The following NBAS variants were observed in gnomAD, a reference collection of about 807,000 sequenced individuals.
The protein encoded by NBAS is NAG/BC035112 fusion.
In NBAS, 219 loss-of-function variants were observed where a neutral mutation model predicts 302.5. The ratio of observed to expected loss-of-function variants is 0.72; its 90% CI spans 0.65 to 0.81. The LOEUF (loss-of-function observed/expected upper bound fraction) is 0.81. NBAS is among the 30% of genes least tolerant of loss of function. The pLI, the probability that NBAS is intolerant of heterozygous loss-of-function variation, is 0.00. For synonymous variants in NBAS, 1,118 were observed against 1,021.6 expected, an observed-to-expected ratio of 1.09 and a Z score of -1.80; for missense variants, 2,932 against 2,841.6, an observed-to-expected ratio of 1.03 and a Z score of -0.72.
chr2:15,088,065 A>G, the NBAS span, among the ~76,000 whole-genome samples: 1 of 152,344 alleles, frequency 6.6e-6, no homozygotes, highest in Non-Finnish European at 1.5e-5. Flanking sequence ...GAGCTGCACC[A>G]CATAAATGGG....
chr2:14,821,891 G>C, the NBAS span, among the ~76,000 whole-genome samples: 1 of 151,848 alleles, frequency 6.6e-6, no homozygotes, highest in African/African-American at 2.4e-5. Flanking sequence ...AAATTAGCCA[G>C]GCACAGTGAC....
the NBAS span, among the ~76,000 whole-genome samples, chr2:14,978,073 C>T: frequency 3.9e-5 from 6 of 152,148 alleles, no homozygotes; most frequent in African/African-American, 1.4e-4. Flanking sequence ...CCCCAAATGT[C>T]CATATCCTGT....
At chr2:15,199,433 T>A (rs1665776459) in intron 48 of NBAS, among the ~76,000 whole-genome samples, 1 of 152,148 alleles carries the variant, frequency 6.6e-6, no homozygotes, top group South Asian at 2.1e-4. Flanking sequence ...ATAGTACCTA[T>A]AAAATACATA....
the NBAS span, among the ~76,000 whole-genome samples, chr2:15,126,547 G>C: frequency 6.6e-6 from 1 of 152,148 alleles, no homozygotes; most frequent in African/African-American, 2.4e-5. Context: ...ACACAGATCA[G>C]AGGTACCTCA....
At chr2:15,425,178 A>C (rs1677409791) in intron 22 of NBAS, among the ~76,000 whole-genome samples, 1 of 152,186 alleles carries the variant, frequency 6.6e-6, no homozygotes, top group African/African-American at 2.4e-5. Flanking sequence ...AAAAATACAA[A>C]GTAACAAGTA....
chr2:14,888,540 T>C, the NBAS span, among the ~76,000 whole-genome samples: 6 of 152,132 alleles, frequency 3.9e-5, no homozygotes. Context: ...CTATTGACCA[T>C]TCTCCCCTTC....
the NBAS span, among the ~76,000 whole-genome samples, chr2:15,045,768 AT>A: frequency 4.1e-3 from 629 of 152,308 alleles, 5 homozygotes; most frequent in Middle Eastern, 0.014. Context: ...TCTACGCCAA[AT>A]TTTTTGAGGA....
At chr2:15,147,194 C>T in the NBAS span, among the ~76,000 whole-genome samples, 1 of 152,142 alleles carries the variant, frequency 6.6e-6, no homozygotes, top group Middle Eastern at 3.2e-3. Context: ...AAAAGGAGAA[C>T]ATTTCTAGGA....
At chr2:14,925,771 A>G in the NBAS span, among the ~76,000 whole-genome samples, 1 of 152,190 alleles carries the variant, frequency 6.6e-6, no homozygotes, top group African/African-American at 2.4e-5. Context: ...CTTTGTAACT[A>G]TACTGTGAGC....
At chr2:14,895,349 T>C in the NBAS span, among the ~76,000 whole-genome samples, 6 of 152,182 alleles carry the variant, frequency 3.9e-5, no homozygotes, top group Non-Finnish European at 7.3e-5. Context: ...GAAAAAAAAC[T>C]CTTCTAGACA....
intron 50 of NBAS, among the ~76,000 whole-genome samples, chr2:15,185,186 C>G (rs544553281): frequency 1.3e-5 from 2 of 152,300 alleles, no homozygotes; most frequent in East Asian, 3.9e-4. Flanking sequence ...CCATTGACCT[C>G]AAACCCTCCA....
At chr2:14,995,752 A>G in the NBAS span, among the ~76,000 whole-genome samples, 1 of 152,024 alleles carries the variant, frequency 6.6e-6, no homozygotes, top group Non-Finnish European at 1.5e-5. Flanking sequence ...GAGTCTTGCT[A>G]TGTTGCCCAG....
Position 15,356,432 on chromosome 2 carries a change from A to G in NBAS, c.3818-16T>C. 6.4e-7 allele frequency: 1 copy of G among 1,564,646 alleles called. No individual in the cohort carries two copies. On this transcript the variant is annotated splice_polypyrimidine_tract_variant and intron_variant, in intron 32 of 51. Coordinates refer to ENST00000281513, the MANE Select transcript of NBAS (RefSeq NM_015909.4). ...GGGTTCTCACCTGTAAGTCCAAGCAAAGGACTTAATGATTATGACAAGCAA... is the reference window on the plus strand; with the variant it reads ...GGGTTCTCACCTGTAAGTCCAAGCAGAGGACTTAATGATTATGACAAGCAA...
the NBAS span, among the ~76,000 whole-genome samples, chr2:14,851,512 C>T: frequency 7.0e-6 from 1 of 142,124 alleles, no homozygotes; most frequent in African/African-American, 2.8e-5. Flanking sequence ...CAAGGAGGAA[C>T]TGGTACCATT....
the NBAS span, among the ~76,000 whole-genome samples, chr2:15,148,318 G>C: frequency 6.6e-6 from 1 of 152,152 alleles, no homozygotes; most frequent in African/African-American, 2.4e-5. Flanking sequence ...CATCTAGTAG[G>C]GGAGAAAGAG....
At chr2:15,474,633 T>G (rs1680109784) in intron 14 of NBAS, among the ~76,000 whole-genome samples, 1 of 152,122 alleles carries the variant, frequency 6.6e-6, no homozygotes, top group Non-Finnish European at 1.5e-5. Context: ...TGATCTCAGC[T>G]TACTGCAACC....
chr2:15,178,421 C>A (rs1664657459), intron 51 of NBAS, among the ~76,000 whole-genome samples: 1 of 152,196 alleles, frequency 6.6e-6, no homozygotes, highest in Non-Finnish European at 1.5e-5. Flanking sequence ...GAGAAAGTTT[C>A]TTCCTAATCA....
chr2:14,940,617 T>C, the NBAS span, among the ~76,000 whole-genome samples: 1 of 152,204 alleles, frequency 6.6e-6, no homozygotes, highest in Non-Finnish European at 1.5e-5. Context: ...CCAGGCTTGG[T>C]GTGGCTCTCA....
intron 41 of NBAS, among the ~76,000 whole-genome samples, chr2:15,290,194 A>C (rs976766759): frequency 1.3e-5 from 2 of 152,092 alleles, no homozygotes; most frequent in Non-Finnish European, 2.9e-5. Flanking sequence ...TCTATGTACA[A>C]GTGAAGGTGA....
Sources: allele counts gnomAD v4.1 joint callset (sites outside exome capture counted in the v4.1 genomes callset), GRCh38; gene constraint gnomAD v4.1.1; transcripts MANE v1.5; gene names NCBI Gene and HGNC (gene_info 2026-07-23, HGNC 2026-07-21).